CMIP: variants seen among roughly 807,000 people sequenced by gnomAD.
CMIP encodes c-Maf inducing protein.
CMIP carries 13 observed loss-of-function variants against 97.3 expected under a neutral mutation model. The observed-to-expected ratio is 0.13, with a 90% CI of 0.09 to 0.21. CMIP has a LOEUF of 0.21. Among genes scored for constraint, CMIP ranks in the 10% least tolerant of loss-of-function variants. The pLI is 1.00. For missense variants in CMIP, 847 were observed against 1,024.9 expected, an observed-to-expected ratio of 0.83 and a Z score of 2.37; for synonymous variants, 538 against 436.3, an observed-to-expected ratio of 1.23 and a Z score of -2.91.
chr16:81,524,271 T>C (rs997524112), intron 1 of CMIP, among the ~76,000 whole-genome samples: 46 of 152,214 alleles, frequency 3.0e-4, no homozygotes, highest in Admixed American at 3.0e-3. Flanking sequence ...TCCTCTGTAG[T>C]GGGCTCTGGG....
At chr16:81,462,923 C>T (rs187553675) in intron 1 of CMIP, among the ~76,000 whole-genome samples, 1 of 152,232 alleles carries the variant, frequency 6.6e-6, no homozygotes, top group East Asian at 1.9e-4. Flanking sequence ...CCTTGATGAC[C>T]AACGATTAAA....
intron 1 of CMIP, among the ~76,000 whole-genome samples, chr16:81,561,476 C>T (rs1413030044): frequency 6.6e-6 from 1 of 152,062 alleles, no homozygotes. Flanking sequence ...GAGGGCCCTG[C>T]AGCAGGAGTG....
At chr16:81,563,464 C>T (rs772161524) in intron 1 of CMIP, among the ~76,000 whole-genome samples, 3 of 152,162 alleles carry the variant, frequency 2.0e-5, no homozygotes, top group Non-Finnish European at 4.4e-5. Context: ...GTCTATGGAC[C>T]AGCAGCGTCA....
Position 81,495,354 on chromosome 16 carries a change from C to G in CMIP, c.300+49813C>G, listed in dbSNP as rs2089469734. 3 of 1,485,072 alleles carry G rather than the reference C, an allele frequency of 2.0e-6. No homozygotes were observed. In the South Asian group the frequency reaches 4.1e-5, roughly 20 times the overall value. The allele number at this position is 1,485,072 out of a possible 1,614,324, so 92.0% of individuals were successfully genotyped here. The stretch of plus-strand genomic sequence containing the variant: ...CAGGAGCCAGGCGACCCACAGGCTT[C>G]TTGGATGGGCTGGGCGTGCATGGCA... On this transcript the variant is annotated intron_variant, in intron 1 of 20. Coordinates refer to ENST00000537098, the MANE Select transcript of CMIP (RefSeq NM_198390.3).
intron 1 of CMIP, among the ~76,000 whole-genome samples, chr16:81,506,583 T>A: frequency 6.6e-6 from 1 of 152,226 alleles, no homozygotes; most frequent in East Asian, 1.9e-4. Flanking sequence ...GGGAAAAGTC[T>A]TCCGAATAGA....
rs568616524 is a variant in CMIP at position 81,685,278 on chromosome 16, C to T, written c.1389-6497C>T. On this transcript the variant is annotated intron_variant, in intron 10 of 20. Transcript: ENST00000537098. ...GAAGCGGAGCCCCAGGCTGGGAGAC[C>T]GAGAGGAGGAGGCTTCTGTCCAGAC... Among the ~76,000 whole-genome samples, 14 of 152,270 alleles carry T rather than the reference C, an allele frequency of 9.2e-5. No homozygotes were observed. The East Asian group carries it at 1.2e-3, about 13-fold the overall frequency.
At chr16:81,608,361 T>G (rs1046637116) in intron 2 of CMIP, among the ~76,000 whole-genome samples, 2 of 152,142 alleles carry the variant, frequency 1.3e-5, no homozygotes, top group Non-Finnish European at 2.9e-5. Flanking sequence ...CATCTCTCTC[T>G]CCATCTCCTG....
At chr16:81,457,387 AT>A (rs1486147531) in intron 1 of CMIP, among the ~76,000 whole-genome samples, 2 of 152,134 alleles carry the variant, frequency 1.3e-5, no homozygotes, top group African/African-American at 4.8e-5. Context: ...GAAGAAAAAA[AT>A]CCTCCCAGAA....
intron 1 of CMIP, among the ~76,000 whole-genome samples, chr16:81,461,827 C>G (rs1203094945): frequency 1.3e-5 from 2 of 152,218 alleles, no homozygotes; most frequent in Non-Finnish European, 2.9e-5. Flanking sequence ...ATCTTGGAAA[C>G]TGAAATTCCC....
At chr16:81,619,554 CT>C (rs2091965779) in intron 2 of CMIP, 1 of 152,300 alleles carries the variant, frequency 6.6e-6, no homozygotes, top group South Asian at 2.1e-4. Flanking sequence ...GTCAGACCCC[CT>C]GAACCGTCAG....
chr16:81,567,983 G>T (rs1043376116), intron 1 of CMIP, among the ~76,000 whole-genome samples: 1 of 151,470 alleles, frequency 6.6e-6, no homozygotes, highest in Admixed American at 6.6e-5. Flanking sequence ...TCCTCTTCCA[G>T]GGATGCTGGG....
intron 1 of CMIP, among the ~76,000 whole-genome samples, chr16:81,550,687 G>C (rs1411745709): frequency 6.6e-6 from 1 of 152,134 alleles, no homozygotes; most frequent in Non-Finnish European, 1.5e-5. Context: ...CTACTAGAAG[G>C]CTGAAGTCAG....
Position 81,445,395 on chromosome 16 carries a change from T to A in CMIP, c.154T>A (p.Tyr52Asn). The A allele has an allele frequency of 6.2e-7, 1 of 1,604,350 alleles. No individual in the cohort carries two copies. Among genetic ancestry groups the A allele is most frequent in the Non-Finnish European group, 8.5e-7 (1 of 1,175,708 alleles). Residue 52 changes from tyrosine to asparagine, a missense_variant, in exon 1 of 21, where the codon TAC (tyrosine) becomes AAC (asparagine). Transcript: ENST00000537098. Reference sequence around the variant, plus strand: ...TCTTCTGCTTTGCAACGGGATGAGGTACAAACTGCTGCAGGAGGGCGACAT... The same window carrying A: ...TCTTCTGCTTTGCAACGGGATGAGGAACAAACTGCTGCAGGAGGGCGACAT... ...RALLLCNGMR[Y>N]KLLQEGDIQV...
chr16:81,455,977 G>A (rs554057648), intron 1 of CMIP, among the ~76,000 whole-genome samples: 30 of 152,350 alleles, frequency 2.0e-4, no homozygotes, highest in Middle Eastern at 3.4e-3. Context: ...CTGCAGTGGG[G>A]GAAGTGCAGT....
chr16:81,604,311 G>T (rs190599757), intron 1 of CMIP, among the ~76,000 whole-genome samples: 240 of 149,672 alleles, frequency 1.6e-3, no homozygotes, highest in Middle Eastern at 3.5e-3. Context: ...CAGGAGAATC[G>T]CTTGAACCCG....
chr16:81,691,905 G>T, intron 11 of CMIP, 65 bp downstream of exon 11: 10 of 1,378,238 alleles, frequency 7.3e-6, no homozygotes, highest in Non-Finnish European at 1.0e-5. Context: ...GTCCACCAAG[G>T]CCTTAGTGGG....
At chr16:81,541,089 A>G (rs188630839) in intron 1 of CMIP, among the ~76,000 whole-genome samples, 2 of 151,842 alleles carry the variant, frequency 1.3e-5, no homozygotes, top group Non-Finnish European at 2.9e-5. Flanking sequence ...TCAATTATGT[A>G]CTATATATAT....
At chr16:81,498,930 C>T (rs948518142) in intron 1 of CMIP, among the ~76,000 whole-genome samples, 2 of 152,232 alleles carry the variant, frequency 1.3e-5, no homozygotes, top group African/African-American at 4.8e-5. Flanking sequence ...TATTTTTTAA[C>T]ACACACATGC....
Position 81,473,393 on chromosome 16 carries a change from C to A in CMIP, c.300+27852C>A, listed in dbSNP as rs150412322. Among the ~76,000 whole-genome samples, 9 of 152,266 alleles carry A rather than the reference C, an allele frequency of 5.9e-5. 1 individual carries two copies. The highest frequency in any genetic ancestry group is 2.2e-4 in the African/African-American group (9 of 41,548). ...GACTGAGCTGTTTTCCTCTTTGACC[C>A]GGCAGAGGCTGTTGCCCAAGTCAAC... On this transcript the variant is annotated intron_variant, in intron 1 of 20. Transcript: ENST00000537098.
Sources: gnomAD v4.1 joint callset for allele counts (sites outside exome capture counted in the v4.1 genomes callset) on GRCh38, gnomAD v4.1.1 for gene constraint, MANE v1.5 for transcripts, NCBI Gene and HGNC (gene_info 2026-07-23, HGNC 2026-07-21) for gene names.